MESD: variants seen among roughly 807,000 people sequenced by gnomAD.
The protein encoded by MESD is mesoderm development LRP chaperone.
MESD carries 7 observed loss-of-function variants against 12.9 expected under a neutral mutation model. The observed-to-expected ratio is 0.54, with a 90% CI of 0.31 to 1.02. MESD has a LOEUF of 1.02. Among genes scored for constraint, MESD ranks in the 50% least tolerant of loss-of-function variants. MESD has a pLI of 0.05. For missense variants in MESD, 342 were observed against 296.7 expected, an observed-to-expected ratio of 1.15 and a Z score of -1.12; for synonymous variants, 126 against 115.6, an observed-to-expected ratio of 1.09 and a Z score of -0.58.
chr15:80,964,435 T>A (rs1174302246), intron 3 of MESD, among the ~76,000 whole-genome samples: 1 of 152,226 alleles, frequency 6.6e-6, no homozygotes, highest in Admixed American at 6.5e-5. Context: ...AAACTACCAC[T>A]GACTTTCTTC....
intron 3 of MESD, among the ~76,000 whole-genome samples, chr15:80,957,225 T>C (rs1230566314): frequency 6.6e-6 from 1 of 151,952 alleles, no homozygotes; most frequent in African/African-American, 2.4e-5. Context: ...CTAATGATGA[T>C]AATGAATAGC....
chr15:80,958,986 A>G (rs1045174032), intron 3 of MESD, among the ~76,000 whole-genome samples: 2 of 152,184 alleles, frequency 1.3e-5, no homozygotes, highest in Non-Finnish European at 2.9e-5. Context: ...GGAAATTTAC[A>G]AGAGTCAATG....
rs116619153 is a variant in MESD, at chr15:80,948,351, T to C, written c.*1174A>G. The C allele has an allele frequency of 6.8e-3, 1,895 of 280,074 alleles. 39 individuals carry two copies. Among genetic ancestry groups the C allele is most frequent in the African/African-American group, 0.038 (1,761 of 46,128 alleles). The allele number at this position is 280,074 out of a possible 1,614,324, so 17.3% of individuals were successfully genotyped here. On this transcript the variant is annotated 3_prime_UTR_variant, in exon 5 of 5. Transcript: ENST00000561312. ...CAAATTTCTTCACCTCTCAGAACTC[T>C]TTCTAGAGCCACAGAGTGATAGAGT...
intron 1 of MESD, among the ~76,000 whole-genome samples, chr15:80,988,320 C>G (rs190577828): frequency 5.9e-5 from 9 of 152,294 alleles, no homozygotes; most frequent in Admixed American, 3.9e-4. Flanking sequence ...CCTTCAAAGT[C>G]TCTCCCCACT....
At chr15:80,968,968 T>C (rs1339962824) in intron 3 of MESD, among the ~76,000 whole-genome samples, 3 of 152,074 alleles carry the variant, frequency 2.0e-5, no homozygotes, top group African/African-American at 4.8e-5. Flanking sequence ...GTGGGAGGAT[T>C]GCTTGAACCC....
intron 3 of MESD, chr15:80,952,993 T>C (rs1300235899): frequency 8.8e-6 from 4 of 455,652 alleles, no homozygotes; most frequent in Admixed American, 2.4e-5. Context: ...ATCGCCTGGA[T>C]TGGTCAGGGA....
intron 3 of MESD, among the ~76,000 whole-genome samples, chr15:80,953,584 G>C (rs1375500250): frequency 6.6e-6 from 1 of 152,210 alleles, no homozygotes; most frequent in African/African-American, 2.4e-5. Context: ...GCCTGGGAGG[G>C]GACAGGTCAG....
At chr15:80,988,908 C>T (rs1216705545) in intron 1 of MESD, among the ~76,000 whole-genome samples, 1 of 152,188 alleles carries the variant, frequency 6.6e-6, no homozygotes, top group Non-Finnish European at 1.5e-5. Context: ...TACACACTCC[C>T]TGTAACTGCA....
chr15:80,972,604 T>C (rs1333703175), downstream of MESD, among the ~76,000 whole-genome samples: 11 of 152,204 alleles, frequency 7.2e-5, no homozygotes, highest in African/African-American at 1.9e-4. Context: ...AACAAAACCA[T>C]GCCTGGTCCA....
intron 1 of MESD, among the ~76,000 whole-genome samples, chr15:80,985,875 G>A (rs540152848): frequency 6.6e-6 from 1 of 151,910 alleles, no homozygotes; most frequent in South Asian, 2.1e-4. Flanking sequence ...GGCTGGTCTC[G>A]AACTCCTGAG....
chr15:80,956,689 T>C (rs979423790), intron 3 of MESD, among the ~76,000 whole-genome samples: 3 of 152,204 alleles, frequency 2.0e-5, no homozygotes, highest in Non-Finnish European at 4.4e-5. Context: ...AATTCTGAGA[T>C]AGCCAATTGT....
intron 1 of MESD, among the ~76,000 whole-genome samples, chr15:80,987,233 T>G (rs1410445469): frequency 1.3e-5 from 2 of 150,792 alleles, no homozygotes; most frequent in Non-Finnish European, 3.0e-5. Context: ...GGGGAAGGAG[T>G]GAGGGTATGG....
Position 80,978,949 on chromosome 15 carries a change from A to T in MESD, c.*270T>A. The T allele has an allele frequency of 2.0e-6, 1 of 493,594 alleles. No homozygotes were observed. Among genetic ancestry groups the T allele is most frequent in the Non-Finnish European group, 3.6e-6 (1 of 279,726 alleles). 30.6% of individuals were successfully genotyped at this position (493,594 alleles called of 1,614,324 possible). ...GACTCACCAAGTGTAAATGGGAAAA[A>T]GCAACACAGTCACATTTCCATGTAA... On this transcript the variant is annotated 3_prime_UTR_variant, in exon 3 of 3. Coordinates refer to ENST00000261758, the MANE Select transcript of MESD (RefSeq NM_015154.3).
At chr15:80,970,655 C>T (rs1902267455) in intron 3 of MESD, 1 of 152,228 alleles carries the variant, frequency 6.6e-6, no homozygotes, top group Non-Finnish European at 1.5e-5. Flanking sequence ...CTTTCCCGCT[C>T]AGACCTAGTC....
intron 3 of MESD, among the ~76,000 whole-genome samples, chr15:80,969,592 C>A (rs117505832): frequency 6.6e-6 from 1 of 152,038 alleles, no homozygotes; most frequent in Non-Finnish European, 1.5e-5. Flanking sequence ...TGGTGGCTCA[C>A]GCCTGTAACC....
chr15:80,979,244 G>T lies in MESD; in HGVS notation c.680C>A (p.Ala227Asp). The change falls in exon 3 of 3, where the codon GCT becomes GAT. Residue 227 changes from alanine to aspartate, a missense_variant. Coordinates refer to ENST00000261758, the MANE Select transcript of MESD (RefSeq NM_015154.3). The stretch of plus-strand genomic sequence containing the variant: ...TCACAGGTCTTCTCTTTTATTCCCA[G>T]CTCGATTTTCTTCCTTGGAAGACCG... ...KSRSSKEENR[A>D]GNKREDL 1.2e-6 allele frequency: 2 copies of T among 1,613,616 alleles called. No individual in the cohort carries two copies. The highest frequency in any genetic ancestry group is 2.2e-5 in the South Asian group (2 of 91,076).
At chr15:80,955,801 T>C (rs1270641890) in intron 3 of MESD, among the ~76,000 whole-genome samples, 2 of 151,860 alleles carry the variant, frequency 1.3e-5, no homozygotes, top group Non-Finnish European at 2.9e-5. Flanking sequence ...TTTGCATTTT[T>C]AGTAGAGACG....
intron 3 of MESD, among the ~76,000 whole-genome samples, chr15:80,969,770 A>G (rs1902247585): frequency 6.6e-6 from 1 of 152,104 alleles, no homozygotes. Flanking sequence ...CAGGAGAATC[A>G]CTTGAATCCG....
chr15:80,953,394 C>A (rs1290716695), intron 3 of MESD, among the ~76,000 whole-genome samples: 1 of 152,174 alleles, frequency 6.6e-6, no homozygotes, highest in Non-Finnish European at 1.5e-5. Context: ...AGACGCACAG[C>A]AAAAGAAGCC....
Sources: allele counts gnomAD v4.1 joint callset (sites outside exome capture counted in the v4.1 genomes callset), GRCh38; gene constraint gnomAD v4.1.1; transcripts MANE v1.5; gene names NCBI Gene and HGNC (gene_info 2026-07-23, HGNC 2026-07-21).